Variants in FIBP observed in about 807,000 individuals in gnomAD.
FIBP encodes acidic fibroblast growth factor intracellular-binding protein.
Under a neutral mutation model 40.5 loss-of-function variants are expected in FIBP, and 29 were observed. The observed-to-expected ratio is 0.72, with a 90% CI of 0.53 to 0.98. FIBP has a LOEUF of 0.98. FIBP is among the 50% of genes least tolerant of loss of function. The pLI, the probability that FIBP is intolerant of heterozygous loss-of-function variation, is 0.00. For missense variants in FIBP, 411 were observed against 470.2 expected (o/e 0.87, Z 1.16); for synonymous variants, 215 against 191.1 (o/e 1.13, Z -1.03).
In FIBP at chr11:65,886,327, C is replaced by A; in HGVS notation, c.507G>T (p.Leu169Phe). 1 of 1,612,592 alleles carries A rather than the reference C, an allele frequency of 6.2e-7. No individual in the cohort carries two copies. The highest frequency in any genetic ancestry group is 8.5e-7 in the Non-Finnish European group (1 of 1,178,842). Reference protein sequence around the residue: ...IQQHFLLSDRLARDYAAIVFF... With the variant: ...IQQHFLLSDRFARDYAAIVFF... ...GGAGGTGGCTAGCTCCTCACCTGGC[C>A]AACCGGTCAGAGAGGAGGAAGTGTT... is the stretch of plus-strand genomic sequence containing the variant. The change falls in exon 4 of 10, where the codon TTG becomes TTT. Residue 169 changes from leucine (L) to phenylalanine (F), a missense_variant. Transcript: ENST00000357519.
rs370872730 is a variant in FIBP, at chr11:65,886,407, G to A, written c.427C>T (p.Arg143Trp). Residue 143 changes from arginine (R) to tryptophan (W), a missense_variant, in exon 4 of 10, where the codon CGG becomes TGG. Physicochemically the swap from Arg to Trp is moderately radical, Grantham distance 101. Transcript: ENST00000357519. ...SCRRQFDNFK[R>W]VFKVVEEMRG... is the part of the protein sequence containing the mutation. ...ATTTCCTCTACCACCTTGAAGACCC[G>A]TTTAAAGTTGTCAAACTGCAGGGCA... is the stretch of plus-strand genomic sequence containing the variant. 40 of 1,613,340 alleles carry A rather than the reference G, an allele frequency of 2.5e-5. No homozygotes were observed. The Middle Eastern group carries it at 4.9e-4, about 20-fold the overall frequency.
intron 3 of FIBP, 115 bp from the exon 4 acceptor site, chr11:65,886,537 G>A (rs1860242974): frequency 4.2e-6 from 3 of 707,060 alleles, no homozygotes; most frequent in Non-Finnish European, 7.8e-6. Flanking sequence ...CCAGTCAGCA[G>A]ATGCTGATTT....
At chr11:65,886,454 G>T in intron 3 of FIBP, 32 bp from the exon 4 acceptor site, 1 of 1,431,136 alleles carries the variant, frequency 7.0e-7, no homozygotes, top group Non-Finnish European at 9.9e-7. Flanking sequence ...AGAGAGGACT[G>T]GTCAGAGTGT....
At chr11:65,884,292 G>T in intron 9 of FIBP, 100 bp downstream of exon 9, 1 of 1,124,670 alleles carries the variant, frequency 8.9e-7, no homozygotes, top group Non-Finnish European at 1.3e-6. Flanking sequence ...CCCACCCCCA[G>T]GGTAGCAGAA....
intron 3 of FIBP, chr11:65,887,303 G>A (rs1175487166): frequency 9.6e-6 from 4 of 417,774 alleles, no homozygotes; most frequent in African/African-American, 2.0e-5. Context: ...AAAATTAGCT[G>A]GGTGTGGGAG....
Position 65,888,203 on chromosome 11 carries a change from A to C in FIBP, c.86-71T>G, listed in dbSNP as rs1860295217. ...AGGCCCTTAAGGGTTTCCATCCCAG[A>C]CCCCTATAACACCTCTTATTCCCAG... is the stretch of plus-strand genomic sequence containing the variant. On this transcript the variant is annotated intron_variant, in intron 1 of 9. Transcript: ENST00000357519. 8 of 1,482,746 alleles carry C rather than the reference A, an allele frequency of 5.4e-6. No homozygotes were observed. In the South Asian group the frequency reaches 9.9e-5, roughly 18 times the overall value. The allele number at this position is 1,482,746 out of a possible 1,614,324, so 91.8% of individuals were successfully genotyped here. A position where few individuals can be genotyped will look rare whatever the true frequency, so the allele number is the denominator to read the frequency against.
At chr11:65,886,822 C>A in intron 3 of FIBP, 1 of 167,906 alleles carries the variant, frequency 6.0e-6, no homozygotes, top group Admixed American at 5.9e-5. Flanking sequence ...ATCAAAGACC[C>A]AGAAGGGTTA....
chr11:65,884,557 CACG>C lies in FIBP; in HGVS notation c.906+10_906+12del, dbSNP rs1555045710. The C allele has an allele frequency of 6.2e-7, 1 of 1,614,120 alleles. No individual in the cohort carries two copies. ...ACAGACCAGGTTGGGTGTCAGAGAG[CACG>C]ACAGCTCACCTTCTCCACGAGGTCC... On this transcript the variant is annotated intron_variant, in intron 8 of 9. Coordinates refer to ENST00000357519, the MANE Select transcript of FIBP (RefSeq NM_004214.5).
chr11:65,884,871 C>A, intron 7 of FIBP, 64 bp downstream of exon 7: 1 of 1,584,118 alleles, frequency 6.3e-7, no homozygotes, highest in Non-Finnish European at 8.7e-7. Flanking sequence ...CAGAGCTGCC[C>A]GGTAGGGGTG....
At chr11:65,885,051 C>T (rs1273292791) in intron 6 of FIBP, 27 bp downstream of exon 6, 2 of 1,613,738 alleles carry the variant, frequency 1.2e-6, no homozygotes, top group Admixed American at 3.3e-5. Flanking sequence ...ACTGCAGGCC[C>T]CGCCCCATGG....
chr11:65,888,322 C>T lies in FIBP; in HGVS notation c.85+12G>A. On this transcript the variant is annotated intron_variant, in intron 1 of 9. Coordinates refer to ENST00000357519, the MANE Select transcript of FIBP (RefSeq NM_004214.5). ...CTCCGCCGACTGGCTTCCCCACACG[C>T]CCCTCACGGACCCGAGTAACCATCG... 1 of 1,549,750 alleles carries T rather than the reference C, an allele frequency of 6.5e-7. No homozygotes were observed. Among genetic ancestry groups the T allele is most frequent in the Non-Finnish European group, 8.7e-7 (1 of 1,145,952 alleles).
At chr11:65,885,971 A>C (rs1860225063) in intron 4 of FIBP, 1 of 435,134 alleles carries the variant, frequency 2.3e-6, no homozygotes, top group Non-Finnish European at 4.1e-6. Flanking sequence ...CCAGCTGGAA[A>C]TCGCTGGACT....
rs1860180670 is a variant in FIBP at position 65,884,594 on chromosome 11, G to A, written c.882C>T (p.Asp294=). ...CCTTCTCCACGAGGTCCACAAACAG[G>A]TCTCTGACATCTTTATTGTGGGTCA... The part of the protein sequence containing the change: ...AKLTHNKDVR[D]LFVDLVEKFV... The change falls in exon 8 of 10, where the codon GAC becomes GAT. Residue 294 remains aspartate (D), a synonymous_variant. Coordinates refer to ENST00000357519, the MANE Select transcript of FIBP (RefSeq NM_004214.5). 5 of 1,614,192 alleles carry A rather than the reference G, an allele frequency of 3.1e-6. No homozygotes were observed. In the East Asian group the frequency reaches 6.7e-5, roughly 22 times the overall value.
At chr11:65,885,409 G>C in intron 5 of FIBP, 121 bp downstream of exon 5, 1 of 1,255,116 alleles carries the variant, frequency 8.0e-7, no homozygotes, top group Non-Finnish European at 1.1e-6. Context: ...GGGAGCCTGG[G>C]TGGGGGCCAT....
intron 3 of FIBP, 198 bp downstream of exon 3, chr11:65,887,402 C>A: frequency 1.6e-6 from 1 of 619,476 alleles, no homozygotes; most frequent in Non-Finnish European, 2.9e-6. Context: ...GCTGAGGTCG[C>A]GCCACTGCAC....
intron 7 of FIBP, 124 bp from the exon 8 acceptor site, chr11:65,884,780 C>A: frequency 3.1e-6 from 4 of 1,311,400 alleles, no homozygotes; most frequent in South Asian, 1.2e-5. Flanking sequence ...TCAACCAAGT[C>A]CCCATTGTTT....
rs1283924288 is a variant in FIBP at position 65,885,377 on chromosome 11, G to A, written c.646+153C>T. 4.9e-6 allele frequency: 5 copies of A among 1,013,704 alleles called. No individual in the cohort carries two copies. The African/African-American group carries it at 6.4e-5, about 13-fold the overall frequency. The allele number at this position is 1,013,704 out of a possible 1,614,324, so 62.8% of individuals were successfully genotyped here. Reference sequence around the variant, plus strand: ...TTTGTCTGCAGACAAGGTGTGTGTGGGGAAAACATTCTATGGGCAGGGGGA... The same window carrying A: ...TTTGTCTGCAGACAAGGTGTGTGTGAGGAAAACATTCTATGGGCAGGGGGA... On this transcript the variant is annotated intron_variant, in intron 5 of 9. Coordinates refer to ENST00000357519, the MANE Select transcript of FIBP (RefSeq NM_004214.5).
chr11:65,885,858 T>C (rs1383386530), intron 4 of FIBP, 195 bp from the exon 5 acceptor site: 4 of 581,928 alleles, frequency 6.9e-6, no homozygotes, highest in African/African-American at 1.9e-5. Context: ...AGTTTACTAG[T>C]GGATACAGTG....
At chr11:65,887,019 C>A in intron 3 of FIBP, 1 of 212,694 alleles carries the variant, frequency 4.7e-6, no homozygotes, top group Non-Finnish European at 9.6e-6. Context: ...CAGGACAGTC[C>A]ATAGGTCAAA....
Sources: gnomAD v4.1 joint callset for allele counts on GRCh38, gnomAD v4.1.1 for gene constraint, MANE v1.5 for transcripts, NCBI Gene and HGNC (gene_info 2026-07-23, HGNC 2026-07-21) for gene names.